Variants in AAGAB observed in about 807,000 individuals in gnomAD.
AAGAB encodes alpha and gamma adaptin binding protein.
AAGAB carries 38 observed loss-of-function variants against 44.1 expected under a neutral mutation model. That is an observed-to-expected ratio of 0.86 (90% CI 0.67 to 1.13). The LOEUF is 1.13. Among genes scored for constraint, AAGAB ranks in the 50% most tolerant of loss-of-function variants. The pLI, the probability that AAGAB is intolerant of heterozygous loss-of-function variation, is 0.00. For synonymous variants in AAGAB, 131 were observed against 131.8 expected (o/e 0.99, Z 0.04); for missense variants, 450 against 373.8 (o/e 1.20, Z -1.68).
intron 9 of AAGAB, 21 bp from the exon 10 acceptor site, chr15:67,202,919 C>A (rs769516552): frequency 1.2e-5 from 20 of 1,611,906 alleles, no homozygotes; most frequent in Non-Finnish European, 1.6e-5. Flanking sequence ...AAGCATGCAA[C>A]AAATTTTAGG....
At chr15:67,233,802 C>G (rs753482240) in intron 4 of AAGAB, among the ~76,000 whole-genome samples, 1 of 152,260 alleles carries the variant, frequency 6.6e-6, no homozygotes, top group South Asian at 2.1e-4. Context: ...AACTCCTTGA[C>G]GGCAGGAATC....
intron 5 of AAGAB, among the ~76,000 whole-genome samples, chr15:67,223,833 C>T (rs1390358755): frequency 6.6e-6 from 1 of 152,220 alleles, no homozygotes; most frequent in Non-Finnish European, 1.5e-5. Context: ...GCTCAGCCAG[C>T]AAGCGTCCTG....
chr15:67,202,999 T>C, intron 9 of AAGAB, 101 bp from the exon 10 acceptor site: 1 of 1,053,098 alleles, frequency 9.5e-7, no homozygotes, highest in Non-Finnish European at 1.5e-6. Flanking sequence ...TTCTGCACTT[T>C]GCCCTCCAGT....
At chr15:67,237,003 T>C (rs1216698021) in intron 1 of AAGAB, among the ~76,000 whole-genome samples, 183 bp from the exon 2 acceptor site, 1 of 152,168 alleles carries the variant, frequency 6.6e-6, no homozygotes, top group Non-Finnish European at 1.5e-5. Context: ...ATAAAAGTTA[T>C]GGTGATATAA....
At chr15:67,231,647 G>A (rs902850748) in intron 5 of AAGAB, among the ~76,000 whole-genome samples, 167 bp downstream of exon 5, 1 of 152,182 alleles carries the variant, frequency 6.6e-6, no homozygotes, top group Non-Finnish European at 1.5e-5. Context: ...AAACGTATAT[G>A]AAAAATTCCT....
intron 5 of AAGAB, among the ~76,000 whole-genome samples, chr15:67,213,114 T>C (rs1400769693): frequency 2.0e-5 from 3 of 152,168 alleles, no homozygotes; most frequent in African/African-American, 7.2e-5. Context: ...TGATGTAAAA[T>C]AAATTATTCT....
chr15:67,254,668 T>A, upstream of AAGAB: 1 of 1,585,502 alleles, frequency 6.3e-7, no homozygotes, highest in South Asian at 1.1e-5. Context: ...AGGCAGCCGC[T>A]TCCGCCTTGG....
intron 4 of AAGAB, among the ~76,000 whole-genome samples, chr15:67,235,630 A>G (rs12592388): frequency 0.45 from 68,795 of 151,956 alleles, 16,043 homozygotes; most frequent in Non-Finnish European, 0.52. Context: ...TATGAATTCA[A>G]AATAAGAAAC....
Position 67,236,003 on chromosome 15 carries a change from G to T in AAGAB, c.427C>A (p.Pro143Thr). 6.2e-7 allele frequency: 1 copy of T among 1,612,982 alleles called. No homozygotes were observed. ...CCATCCTCCTCAGGCAACTCCTCTG[G>T]ACTAAGTTCTACCAATTCAAAGCCA... ...KHGFELVELS[P>T]EELPEEDDDF... Residue 143 changes from proline (P) to threonine (T), a missense_variant, in exon 4 of 10, where the codon CCA becomes ACA. Coordinates refer to ENST00000261880, the MANE Select transcript of AAGAB (RefSeq NM_024666.5).
chr15:67,237,571 T>C (rs1014277788), intron 1 of AAGAB, among the ~76,000 whole-genome samples: 2 of 152,174 alleles, frequency 1.3e-5, no homozygotes, highest in Non-Finnish European at 2.9e-5. Flanking sequence ...GGTGAACAAA[T>C]GAATATAGAC....
chr15:67,253,733 G>A (rs1193147455), intron 1 of AAGAB, among the ~76,000 whole-genome samples: 3 of 151,292 alleles, frequency 2.0e-5, no homozygotes, highest in African/African-American at 7.3e-5. Flanking sequence ...CAGCCCGGGC[G>A]ACAGAGCAAG....
chr15:67,206,812 T>C (rs150140349), intron 7 of AAGAB, among the ~76,000 whole-genome samples: 69 of 152,290 alleles, frequency 4.5e-4, no homozygotes, highest in African/African-American at 1.5e-3. Flanking sequence ...TCATCCTGTA[T>C]TTTTCTTGCC....
At chr15:67,234,321 A>G (rs1964414525) in intron 4 of AAGAB, among the ~76,000 whole-genome samples, 2 of 152,158 alleles carry the variant, frequency 1.3e-5, no homozygotes, top group Admixed American at 6.5e-5. Flanking sequence ...ATCACCACCA[A>G]TGTCTGGATG....
At chr15:67,236,557 C>T in intron 2 of AAGAB, 53 bp from the exon 3 acceptor site, 1 of 1,604,856 alleles carries the variant, frequency 6.2e-7, no homozygotes, top group Non-Finnish European at 8.5e-7. Flanking sequence ...GATAGTCAGA[C>T]AAAATGTAAT....
At chr15:67,207,669 G>A (rs567131681) in intron 7 of AAGAB, among the ~76,000 whole-genome samples, 1 of 152,116 alleles carries the variant, frequency 6.6e-6, no homozygotes, top group African/African-American at 2.4e-5. Context: ...TTAGCCTTAC[G>A]GTATCTAGTC....
At chr15:67,203,940 C>T in intron 8 of AAGAB, 104 bp downstream of exon 8, 1 of 745,526 alleles carries the variant, frequency 1.3e-6, no homozygotes, top group Non-Finnish European at 2.2e-6. Context: ...ACAGCTGAGA[C>T]CAGAACAAGG....
chr15:67,204,208 G>T, intron 7 of AAGAB, 60 bp from the exon 8 acceptor site: 1 of 1,183,592 alleles, frequency 8.4e-7, no homozygotes, highest in Non-Finnish European at 1.2e-6. Flanking sequence ...TACACTCAGA[G>T]AATCCTAAGG....
intron 5 of AAGAB, among the ~76,000 whole-genome samples, chr15:67,214,001 T>C (rs778860090): frequency 2.2e-4 from 34 of 152,198 alleles, no homozygotes; most frequent in Non-Finnish European, 4.7e-4. Context: ...CAAAGTCACA[T>C]AGCTGGAACC....
chr15:67,201,411 G>C lies in AAGAB; in HGVS notation c.*1410C>G, dbSNP rs993022233. 1 of 152,410 alleles carries C rather than the reference G, an allele frequency of 6.6e-6. No individual in the cohort carries two copies. The highest frequency in any genetic ancestry group is 2.1e-4 in the South Asian group (1 of 4,830). The allele number at this position is 152,410 out of a possible 1,614,324, so 9.4% of individuals were successfully genotyped here. ...CCTGTGGTCACTCCTGCTGGCCCCT[G>C]TAGCATTCCATTCCTTCTGCCATCT... On this transcript the variant is annotated 3_prime_UTR_variant, in exon 10 of 10. Transcript: ENST00000261880.
Sources: gnomAD v4.1 joint callset for allele counts (sites outside exome capture counted in the v4.1 genomes callset) on GRCh38, gnomAD v4.1.1 for gene constraint, MANE v1.5 for transcripts, NCBI Gene and HGNC (gene_info 2026-07-23, HGNC 2026-07-21) for gene names.